The following NTN1 variants were observed in gnomAD, a reference collection of about 807,000 sequenced individuals.
NTN1 encodes the protein netrin-1.
Under a neutral mutation model 54.2 loss-of-function variants are expected in NTN1, and 11 were observed. That is an observed-to-expected ratio of 0.20 (90% CI 0.13 to 0.34). NTN1 has a LOEUF of 0.34. Ranked by LOEUF, NTN1 falls within the 10% of genes least tolerant of loss-of-function variation. NTN1 has a pLI of 1.00. For missense variants in NTN1, 740 were observed against 893.1 expected (o/e 0.83, Z 2.18); for synonymous variants, 371 against 382.0 (o/e 0.97, Z 0.33).
At position 9,097,665 on chromosome 17, in the gene NTN1, A is replaced by C. The variant is rs540251068; in HGVS notation, c.1019-65148A>C. Among the ~76,000 whole-genome samples, 7 of 152,192 alleles carry C rather than the reference A, an allele frequency of 4.6e-5. No homozygotes were observed. The South Asian group carries it at 1.5e-3, about 32-fold the overall frequency. ...AAACAAAAAAACCCCAAACAGACAA[A>C]CAACAAAAAAATGAAGGTATATATT... On this transcript the variant is annotated intron_variant, in intron 2 of 6. Transcript: ENST00000173229.
chr17:9,137,658 A>G (rs1195529808), intron 2 of NTN1, among the ~76,000 whole-genome samples: 7 of 152,058 alleles, frequency 4.6e-5, no homozygotes, highest in Admixed American at 3.9e-4. Context: ...GCTGAGTGTG[A>G]TGGCAGGCAC....
At chr17:9,083,956 C>T (rs910704307) in intron 2 of NTN1, among the ~76,000 whole-genome samples, 1 of 152,136 alleles carries the variant, frequency 6.6e-6, no homozygotes, top group Non-Finnish European at 1.5e-5. Flanking sequence ...TGAGGAGGTG[C>T]AGAGTGGCTA....
the NTN1 span, among the ~76,000 whole-genome samples, chr17:9,009,790 C>T: frequency 4.6e-5 from 7 of 152,162 alleles, no homozygotes; most frequent in African/African-American, 7.2e-5. Flanking sequence ...TTTTTTCCCC[C>T]GCCTAAGTTA....
At chr17:9,145,253 G>C (rs1480372966) in intron 2 of NTN1, among the ~76,000 whole-genome samples, 1 of 152,202 alleles carries the variant, frequency 6.6e-6, no homozygotes, top group East Asian at 1.9e-4. Context: ...TTCACATGTG[G>C]GTTCCCTCCA....
At chr17:9,113,258 G>A (rs989022214) in intron 2 of NTN1, among the ~76,000 whole-genome samples, 2 of 151,786 alleles carry the variant, frequency 1.3e-5, no homozygotes, top group African/African-American at 2.4e-5. Flanking sequence ...TCCTGACCTC[G>A]TGATCCACCC....
chr17:9,053,698 T>G (rs969679363), intron 2 of NTN1, among the ~76,000 whole-genome samples: 1 of 152,162 alleles, frequency 6.6e-6, no homozygotes, highest in South Asian at 2.1e-4. Flanking sequence ...GTGGAAAATA[T>G]GAAAAAAGAG....
chr17:9,065,469 C>T (rs533988398), intron 2 of NTN1, among the ~76,000 whole-genome samples: 2 of 152,264 alleles, frequency 1.3e-5, no homozygotes, highest in African/African-American at 2.4e-5. Context: ...ACAGGCTTTT[C>T]CTGACACCCG....
intron 5 of NTN1, among the ~76,000 whole-genome samples, chr17:9,215,024 A>G (rs1055296308): frequency 6.6e-6 from 1 of 151,824 alleles, no homozygotes; most frequent in Non-Finnish European, 1.5e-5. Context: ...CCTATAATTT[A>G]TATCGTTTTT....
intron 6 of NTN1, among the ~76,000 whole-genome samples, chr17:9,227,445 CAG>C (rs1396706792): frequency 6.8e-6 from 1 of 148,030 alleles, no homozygotes; most frequent in East Asian, 2.0e-4. Flanking sequence ...CACCACACAT[CAG>C]ATACACAGAC....
At chr17:9,196,942 A>G (rs1904649639) in intron 5 of NTN1, among the ~76,000 whole-genome samples, 1 of 152,046 alleles carries the variant, frequency 6.6e-6, no homozygotes, top group African/African-American at 2.4e-5. Flanking sequence ...ATCTCTTCCC[A>G]ATTCTGCATT....
At chr17:9,016,680 A>T (rs576956827), upstream of NTN1, among the ~76,000 whole-genome samples, 2 of 152,196 alleles carry the variant, frequency 1.3e-5, no homozygotes, top group African/African-American at 4.8e-5. Context: ...TTCCTCTTCC[A>T]TCCTGTCCTG....
At chr17:9,127,017 G>A (rs543710034) in intron 2 of NTN1, among the ~76,000 whole-genome samples, 1 of 149,596 alleles carries the variant, frequency 6.7e-6, no homozygotes, top group South Asian at 2.2e-4. Flanking sequence ...GGCGGAGGGA[G>A]GCCCTAGGGA....
chr17:9,073,088 G>T (rs1342835157), intron 2 of NTN1, among the ~76,000 whole-genome samples: 2 of 152,250 alleles, frequency 1.3e-5, no homozygotes, highest in African/African-American at 4.8e-5. Flanking sequence ...GCGAGGACGA[G>T]CGGATATTGA....
intron 2 of NTN1, among the ~76,000 whole-genome samples, chr17:9,040,612 T>G (rs8076457): frequency 1.3e-5 from 2 of 152,004 alleles, no homozygotes; most frequent in Admixed American, 1.3e-4. Flanking sequence ...TTGGATAGAA[T>G]GTCAAAGTAA....
chr17:9,127,106 C>T (rs2092250157), intron 2 of NTN1, among the ~76,000 whole-genome samples: 1 of 149,592 alleles, frequency 6.7e-6, no homozygotes, highest in Admixed American at 6.7e-5. Context: ...GGATTTTATT[C>T]CAGGTGTAAA....
the NTN1 span, among the ~76,000 whole-genome samples, chr17:9,015,138 C>T: frequency 3.9e-5 from 6 of 152,170 alleles, no homozygotes; most frequent in East Asian, 1.9e-4. Flanking sequence ...CAGCCAGGCA[C>T]GGTGGCTCAT....
At chr17:9,216,616 A>G (rs917756597) in intron 5 of NTN1, among the ~76,000 whole-genome samples, 1 of 152,360 alleles carries the variant, frequency 6.6e-6, no homozygotes, top group Non-Finnish European at 1.5e-5. Flanking sequence ...ATGGCCAGGA[A>G]GGCGCACAGC....
At chr17:9,088,487 G>A (rs1037060255) in intron 2 of NTN1, among the ~76,000 whole-genome samples, 4 of 151,984 alleles carry the variant, frequency 2.6e-5, no homozygotes, top group Non-Finnish European at 4.4e-5. Context: ...AAAGCAAGCC[G>A]CTCTATGTTC....
chr17:9,029,008 G>A (rs1363576537), intron 2 of NTN1, among the ~76,000 whole-genome samples: 3 of 151,984 alleles, frequency 2.0e-5, no homozygotes, highest in East Asian at 1.9e-4. Context: ...ATAGGGAGAC[G>A]GGAGGTCTCG....
Sources: allele counts gnomAD v4.1 joint callset (sites outside exome capture counted in the v4.1 genomes callset), GRCh38; gene constraint gnomAD v4.1.1; transcripts MANE v1.5; gene names NCBI Gene and HGNC (gene_info 2026-07-23, HGNC 2026-07-21).